The following RUNX3 variants were observed in gnomAD, a reference collection of about 807,000 sequenced individuals.
RUNX3 encodes the protein runt-related transcription factor 3.
RUNX3 carries 10 observed loss-of-function variants against 27.7 expected under a neutral mutation model. The ratio of observed to expected loss-of-function variants is 0.36; its 90% confidence interval spans 0.22 to 0.61. RUNX3 has a LOEUF of 0.61. Among genes scored for constraint, RUNX3 ranks in the 20% least tolerant of loss-of-function variants. The pLI is 0.72. For synonymous variants in RUNX3, 270 were observed against 269.2 expected, an observed-to-expected ratio of 1.00 and a Z score of -0.03; for missense variants, 469 against 629.5, an observed-to-expected ratio of 0.75 and a Z score of 2.73.
rs964817471 is a variant in RUNX3, at chr1:24,902,120, G to A, written c.*2C>T. On this transcript the variant is annotated 3_prime_UTR_variant, in exon 5 of 5. Transcript: ENST00000308873. This position sits in a 1 kb window ranked among gnomAD's most constrained non-coding sequence, Gnocchi z 9.2. ...TCCAGCGGGAGGAGTCCACCAGGGC[G>A]GTCAGTAGGGCCGCCACACGGCCTC... The A allele has an allele frequency of 9.8e-6, 15 of 1,535,554 alleles. No homozygotes were observed. The highest frequency in any genetic ancestry group is 2.7e-5 in the African/African-American group (2 of 73,770).
chr1:24,951,012 C>T (rs986554131), intron 2 of RUNX3, among the ~76,000 whole-genome samples: 3 of 151,974 alleles, frequency 2.0e-5, no homozygotes, highest in Admixed American at 2.0e-4. Context: ...TTGAGACCCT[C>T]CTGGATAACA....
intron 2 of RUNX3, among the ~76,000 whole-genome samples, chr1:24,926,310 T>C (rs189089452): frequency 6.4e-4 from 98 of 152,328 alleles, no homozygotes; most frequent in African/African-American, 2.0e-3. Flanking sequence ...GGAGCAGCAA[T>C]GAAAGCTTAA....
intron 3 of RUNX3, among the ~76,000 whole-genome samples, chr1:24,913,238 T>C (rs932258730): frequency 4.6e-5 from 7 of 152,246 alleles, no homozygotes; most frequent in Non-Finnish European, 1.0e-4. Context: ...CTCCAGCTGC[T>C]GGGCTCAGAT....
At chr1:24,921,008 C>A (rs1456588134) in intron 2 of RUNX3, among the ~76,000 whole-genome samples, 1 of 152,122 alleles carries the variant, frequency 6.6e-6, no homozygotes, top group African/African-American at 2.4e-5. Context: ...CCTCTGGATC[C>A]CACGTACAGG....
chr1:24,921,550 G>C (rs1203741321), intron 2 of RUNX3, among the ~76,000 whole-genome samples: 1 of 152,222 alleles, frequency 6.6e-6, no homozygotes, highest in Non-Finnish European at 1.5e-5. Context: ...GGGCCACTTT[G>C]TATGATTTCT....
rs1201485464 is a variant in RUNX3, at chr1:24,907,210, C to A, written c.703+49G>T. 5 of 1,577,954 alleles carry A rather than the reference C, an allele frequency of 3.2e-6. No individual in the cohort carries two copies. In the South Asian group the frequency reaches 5.6e-5, roughly 18 times the overall value. ...TGGGGCAGATTGGACCACATCGAGG[C>A]CCTCCACCCCCACCTCACCCCGCTG... is the stretch of plus-strand genomic sequence containing the variant. On this transcript the variant is annotated intron_variant, in intron 4 of 4. Coordinates refer to ENST00000308873, the MANE Select transcript of RUNX3 (RefSeq NM_004350.3).
intron 3 of RUNX3, among the ~76,000 whole-genome samples, chr1:24,912,888 C>T (rs188678147): frequency 2.6e-5 from 4 of 152,024 alleles, no homozygotes; most frequent in Non-Finnish European, 4.4e-5. Flanking sequence ...GTTAGGGCCC[C>T]GTCCAGCCCC....
chr1:24,964,771 C>T (rs968980354), intron 1 of RUNX3: 14 of 1,350,390 alleles, frequency 1.0e-5, no homozygotes, highest in South Asian at 9.3e-5. Flanking sequence ...AAGGAAAGAA[C>T]GCGAGAGTGT....
chr1:24,930,996 A>G (rs762696047), upstream of RUNX3, among the ~76,000 whole-genome samples: 3 of 152,178 alleles, frequency 2.0e-5, no homozygotes, highest in African/African-American at 4.8e-5. This position sits in a 1 kb window ranked among gnomAD's most constrained non-coding sequence, Gnocchi z 4.1. Context: ...AAGTTTCAGG[A>G]TCTTGCAGGC....
chr1:24,952,533 C>A (rs1641792468), intron 2 of RUNX3, among the ~76,000 whole-genome samples: 1 of 152,210 alleles, frequency 6.6e-6, no homozygotes, highest in Non-Finnish European at 1.5e-5. Context: ...CATCTGAACA[C>A]ACGTTGGGAG....
intron 4 of RUNX3, among the ~76,000 whole-genome samples, chr1:24,903,390 A>G (rs1429170015): frequency 6.6e-6 from 1 of 152,124 alleles, no homozygotes; most frequent in Non-Finnish European, 1.5e-5. Context: ...ACTGGATGCC[A>G]CCCTAACCTG....
intron 2 of RUNX3, among the ~76,000 whole-genome samples, chr1:24,936,078 G>A (rs1249880941): frequency 6.6e-6 from 1 of 152,224 alleles, no homozygotes; most frequent in Non-Finnish European, 1.5e-5. Context: ...CTCTTCTACT[G>A]GGAGCCATGG....
rs557427598 is a variant in RUNX3, at chr1:24,916,027, G to A, written c.544+3213C>T. Among the ~76,000 whole-genome samples, 11 of 152,292 alleles carry A rather than the reference G, an allele frequency of 7.2e-5. No individual in the cohort carries two copies. Among genetic ancestry groups the A allele is most frequent in the African/African-American group, 2.6e-4 (11 of 41,540 alleles). ...AGCTGGCCACCTGGCTGCAGGCCGG[G>A]CACGCTCTGCAGGGCACCAGAGGGG... On this transcript the variant is annotated intron_variant, in intron 3 of 4. Transcript: ENST00000308873. The surrounding 1 kb of genome is among the most constrained non-coding windows in gnomAD (Gnocchi z 4.8).
At chr1:24,906,485 C>G (rs1330935706) in intron 4 of RUNX3, among the ~76,000 whole-genome samples, 1 of 152,246 alleles carries the variant, frequency 6.6e-6, no homozygotes, top group African/African-American at 2.4e-5. Flanking sequence ...CACACAGCCT[C>G]CCATGTCCCC....
chr1:24,925,300 C>A (rs374253484), intron 2 of RUNX3, among the ~76,000 whole-genome samples: 2 of 152,170 alleles, frequency 1.3e-5, no homozygotes, highest in East Asian at 3.9e-4. Flanking sequence ...CAGCAGTTCA[C>A]ACCTTCTGGG....
At chr1:24,912,239 C>T (rs1640810311) in intron 3 of RUNX3, among the ~76,000 whole-genome samples, 2 of 152,198 alleles carry the variant, frequency 1.3e-5, no homozygotes, top group South Asian at 4.1e-4. Flanking sequence ...CTCACTGAGG[C>T]CCCTTCCTTT....
chr1:24,907,265 T>C lies in RUNX3; in HGVS notation c.697A>G (p.Ile233Val). ...CCCTCCCTCCGTGCCGTACCTTGGA[T>C]TGGGGTCTGGGGCTGGCTGCTGAAG... The part of the protein sequence containing the change: ...SHFSSQPQTP[I>V]QGTSELNPFS... The change falls in exon 4 of 5, where the codon ATC becomes GTC. Residue 233 changes from isoleucine to valine, a missense_variant. This residue lies in a region of RUNX3 where 279 missense variants were observed against 343.0 expected (regional missense o/e 0.81). Transcript: ENST00000308873. 5.6e-6 allele frequency: 9 copies of C among 1,610,502 alleles called. No homozygotes were observed. Among genetic ancestry groups the C allele is most frequent in the Middle Eastern group, 1.8e-4 (1 of 5,686 alleles).
At chr1:24,933,541 A>G (rs1641279658), upstream of RUNX3, among the ~76,000 whole-genome samples, 1 of 152,132 alleles carries the variant, frequency 6.6e-6, no homozygotes, top group African/African-American at 2.4e-5. Flanking sequence ...AAGCCAGTCC[A>G]TGCTGTCCTG....
chr1:24,915,799 G>A (rs1472486067), intron 3 of RUNX3, among the ~76,000 whole-genome samples: 1 of 152,124 alleles, frequency 6.6e-6, no homozygotes, highest in Non-Finnish European at 1.5e-5. Flanking sequence ...ACGGGCACAG[G>A]CTAGGGGGGC....
Sources: allele counts gnomAD v4.1 joint callset (sites outside exome capture counted in the v4.1 genomes callset), GRCh38; gene constraint gnomAD v4.1.1; regional missense constraint gnomAD v4.1.1; non-coding constraint Gnocchi (gnomAD v3.1); transcripts MANE v1.5; gene names NCBI Gene and HGNC (gene_info 2026-07-23, HGNC 2026-07-21).